HHAT: variants seen among roughly 807,000 people sequenced by gnomAD.
HHAT encodes the protein protein-cysteine N-palmitoyltransferase HHAT.
HHAT carries 47 observed loss-of-function variants against 70.8 expected under a neutral mutation model. The ratio of observed to expected loss-of-function variants is 0.66; its 90% confidence interval spans 0.53 to 0.85. The LOEUF (loss-of-function observed/expected upper bound fraction) is 0.85, where lower values mean the gene tolerates loss of function less well. HHAT is among the 40% of genes least tolerant of loss of function. HHAT has a pLI of 0.00. For missense variants in HHAT, 609 were observed against 604.8 expected (o/e 1.01, Z -0.07); for synonymous variants, 228 against 247.6 (o/e 0.92, Z 0.74).
intron 9 of HHAT, among the ~76,000 whole-genome samples, chr1:210,541,104 G>A (rs1026727004): frequency 2.6e-5 from 4 of 152,156 alleles, no homozygotes; most frequent in Non-Finnish European, 5.9e-5. Context: ...GCCTCTCAAA[G>A]TGCAAGGATT....
chr1:210,583,723 G>A (rs897870453), intron 9 of HHAT, among the ~76,000 whole-genome samples: 3 of 152,110 alleles, frequency 2.0e-5, no homozygotes, highest in Non-Finnish European at 4.4e-5. Context: ...GGAATAAAAG[G>A]AATTTTCAGA....
At chr1:210,440,220 G>T (rs960552208) in intron 7 of HHAT, among the ~76,000 whole-genome samples, 1 of 151,844 alleles carries the variant, frequency 6.6e-6, no homozygotes, top group East Asian at 1.9e-4. Context: ...GTTCCCCAGG[G>T]AGGCTAGTTT....
intron 7 of HHAT, among the ~76,000 whole-genome samples, chr1:210,459,582 A>G (rs1240659777): frequency 6.6e-6 from 1 of 152,126 alleles, no homozygotes; most frequent in Non-Finnish European, 1.5e-5. Context: ...TGAGAGCCCA[A>G]GAGGAAGCAG....
chr1:210,368,966 T>A (rs1412862386), intron 3 of HHAT, among the ~76,000 whole-genome samples: 1 of 151,812 alleles, frequency 6.6e-6, no homozygotes, highest in East Asian at 1.9e-4. Flanking sequence ...TAATCCCAAC[T>A]ACTTGGGAGG....
chr1:210,544,754 C>T (rs983909659), intron 9 of HHAT, among the ~76,000 whole-genome samples: 43 of 152,064 alleles, frequency 2.8e-4, no homozygotes, highest in African/African-American at 9.2e-4. Flanking sequence ...GGTGTCCTTC[C>T]GCTCCCAGTT....
intron 8 of HHAT, among the ~76,000 whole-genome samples, chr1:210,507,858 G>C (rs1332020364): frequency 1.3e-5 from 2 of 151,958 alleles, no homozygotes; most frequent in East Asian, 3.9e-4. Context: ...AATTTGAGGT[G>C]ATGGATATAT....
chr1:210,458,001 G>A lies in HHAT; in HGVS notation c.857-6504G>A, dbSNP rs1332710011. On this transcript the variant is annotated intron_variant, in intron 7 of 11. Coordinates refer to ENST00000261458, the MANE Select transcript of HHAT (RefSeq NM_018194.6). ...AGAAATGTTAGTTGCACTTCCTCAT[G>A]TGTGATACAGATAATAGAATACTAG... 3.9e-5 allele frequency among the ~76,000 whole-genome samples: 6 copies of A among 152,282 alleles called. No individual in the cohort carries two copies. In the South Asian group the frequency reaches 1.0e-3, roughly 26 times the overall value.
chr1:210,562,457 T>G (rs1436570929), intron 9 of HHAT, among the ~76,000 whole-genome samples: 7 of 151,728 alleles, frequency 4.6e-5, no homozygotes, highest in Non-Finnish European at 8.8e-5. Flanking sequence ...CATTCATGAT[T>G]TGGAGAGAGG....
At chr1:210,574,149 C>T (rs550832709) in intron 9 of HHAT, among the ~76,000 whole-genome samples, 48 of 152,264 alleles carry the variant, frequency 3.2e-4, no homozygotes, top group South Asian at 6.2e-4. Context: ...AAGAGATCAT[C>T]TAGATTGAGA....
intron 9 of HHAT, among the ~76,000 whole-genome samples, chr1:210,584,136 T>A (rs1659894540): frequency 6.6e-6 from 1 of 151,504 alleles, no homozygotes. Context: ...AGAGACAGGG[T>A]TCACCACGTT....
chr1:210,456,758 G>A (rs530645413), intron 7 of HHAT, among the ~76,000 whole-genome samples: 1 of 152,296 alleles, frequency 6.6e-6, no homozygotes, highest in East Asian at 1.9e-4. Context: ...GGTTTAGGTT[G>A]AATTGAAATG....
intron 4 of HHAT, among the ~76,000 whole-genome samples, chr1:210,390,460 A>G (rs941917771): frequency 9.9e-5 from 12 of 121,066 alleles, no homozygotes; most frequent in African/African-American, 3.9e-4. Flanking sequence ...ATATAAAGCA[A>G]AAAGTGATCA....
At chr1:210,598,351 G>T (rs1421545367) in intron 10 of HHAT, among the ~76,000 whole-genome samples, 1 of 152,044 alleles carries the variant, frequency 6.6e-6, no homozygotes, top group Non-Finnish European at 1.5e-5. Context: ...GACTCACTAG[G>T]TCACGTGTCC....
At chr1:210,343,933 C>T (rs2086265351) in intron 1 of HHAT, among the ~76,000 whole-genome samples, 1 of 152,180 alleles carries the variant, frequency 6.6e-6, no homozygotes, top group Admixed American at 6.5e-5. Flanking sequence ...TGCTTATTCA[C>T]TGCCAGGCCC....
At chr1:210,345,642 C>T (rs1016142281) in intron 1 of HHAT, among the ~76,000 whole-genome samples, 1 of 152,122 alleles carries the variant, frequency 6.6e-6, no homozygotes, top group African/African-American at 2.4e-5. Context: ...GTTTTTGTGA[C>T]CAGAAATATG....
chr1:210,462,425 T>G (rs1572614191), intron 7 of HHAT: 1 of 152,352 alleles, frequency 6.6e-6, no homozygotes, highest in African/African-American at 2.4e-5. Context: ...CGAGCCTCCC[T>G]CATTGCCATC....
chr1:210,419,963 A>G (rs1319305118), intron 7 of HHAT, among the ~76,000 whole-genome samples: 1 of 152,226 alleles, frequency 6.6e-6, no homozygotes, highest in African/African-American at 2.4e-5. Flanking sequence ...GTTATTCCAT[A>G]TAACAATGAT....
At chr1:210,487,434 A>G (rs761864195) in intron 8 of HHAT, among the ~76,000 whole-genome samples, 2 of 152,150 alleles carry the variant, frequency 1.3e-5, no homozygotes, top group Non-Finnish European at 2.9e-5. Context: ...TATCCAGTTG[A>G]AAGACTAGGG....
chr1:210,368,913 A>G (rs1029846151), intron 3 of HHAT, among the ~76,000 whole-genome samples: 3 of 152,086 alleles, frequency 2.0e-5, no homozygotes, highest in African/African-American at 7.2e-5. Flanking sequence ...CTCCGTCTCT[A>G]CTAAAAATAC....
Sources: allele counts gnomAD v4.1 joint callset (sites outside exome capture counted in the v4.1 genomes callset), GRCh38; gene constraint gnomAD v4.1.1; transcripts MANE v1.5; gene names NCBI Gene and HGNC (gene_info 2026-07-23, HGNC 2026-07-21).